The following CYP39A1 variants were observed in gnomAD, a reference collection of about 807,000 sequenced individuals.
CYP39A1 encodes 24-hydroxycholesterol 7-alpha-hydroxylase.
A neutral mutation model predicts 58.1 loss-of-function variants in CYP39A1; 49 were observed. The ratio of observed to expected loss-of-function variants is 0.84; its 90% confidence interval spans 0.67 to 1.07. CYP39A1 has a LOEUF of 1.07. CYP39A1 is among the 50% of genes least tolerant of loss of function. The probability of loss-of-function intolerance (pLI) is 0.00; values close to 1 mark genes in which losing one functional copy is unlikely to be tolerated. For synonymous variants in CYP39A1, 209 were observed against 187.6 expected (o/e 1.11, Z -0.93); for missense variants, 531 against 539.4 (o/e 0.98, Z 0.16).
chr6:46,650,318 C>A (rs955201826), intron 1 of CYP39A1, among the ~76,000 whole-genome samples: 2 of 151,138 alleles, frequency 1.3e-5, no homozygotes, highest in African/African-American at 4.9e-5. Context: ...GTGAGCCTTC[C>A]TGCATGAAGG....
intron 10 of CYP39A1, among the ~76,000 whole-genome samples, chr6:46,571,205 G>A (rs1771569555): frequency 6.6e-6 from 1 of 152,022 alleles, no homozygotes; most frequent in African/African-American, 2.4e-5. Context: ...TGCTGCTGTT[G>A]GATGAAATGT....
intron 5 of CYP39A1, among the ~76,000 whole-genome samples, chr6:46,634,714 G>A (rs902077917): frequency 1.9e-4 from 28 of 151,334 alleles, no homozygotes; most frequent in African/African-American, 6.3e-4. Flanking sequence ...TAGAGATGAG[G>A]TTTCACCATG....
Position 46,652,387 on chromosome 6 carries a change from G to A in CYP39A1, c.177+19C>T. ...AAGCATTGTCTCCTCTGGAGACCCCGTCTGCCACGACCACATACCTTGATT... is the reference window on the plus strand; with the variant it reads ...AAGCATTGTCTCCTCTGGAGACCCCATCTGCCACGACCACATACCTTGATT... On this transcript the variant is annotated intron_variant, in intron 1 of 11. Transcript: ENST00000275016. The A allele has an allele frequency of 6.3e-7, 1 of 1,598,092 alleles. No homozygotes were observed. The highest frequency in any genetic ancestry group is 8.5e-7 in the Non-Finnish European group (1 of 1,173,850).
intron 11 of CYP39A1, among the ~76,000 whole-genome samples, chr6:46,551,160 T>G (rs1227536267): frequency 6.6e-6 from 1 of 152,090 alleles, no homozygotes; most frequent in Admixed American, 6.6e-5. Flanking sequence ...AATCAGTCTA[T>G]TTTCAAGTTT....
Position 46,652,470 on chromosome 6 carries a change from C to G in CYP39A1, c.113G>C (p.Trp38Ser). The G allele has an allele frequency of 1.2e-6, 2 of 1,613,872 alleles. No homozygotes were observed. Among genetic ancestry groups the G allele is most frequent in the Non-Finnish European group, 1.7e-6 (2 of 1,179,950 alleles). ...RPPCIKGWIP[W>S]IGVGFEFGKA... ...CCCAAACTCAAATCCAACTCCAATC[C>G]AAGGAATCCAGCCCTTGATGCACGG... The change falls in exon 1 of 12, where the codon TGG becomes TCG. Residue 38 changes from tryptophan (W) to serine (S), a missense_variant. Transcript: ENST00000275016.
chr6:46,585,479 T>G (rs148172107), intron 10 of CYP39A1, among the ~76,000 whole-genome samples: 116 of 152,174 alleles, frequency 7.6e-4, no homozygotes, highest in African/African-American at 2.7e-3. Flanking sequence ...AACAAAAAAT[T>G]TGTTATTGGC....
chr6:46,579,215 A>T (rs1488506674), intron 10 of CYP39A1, among the ~76,000 whole-genome samples: 2 of 152,094 alleles, frequency 1.3e-5, no homozygotes, highest in Non-Finnish European at 2.9e-5. Context: ...TAAACAAATC[A>T]ATCAATGTGA....
rs151173457 is a variant in CYP39A1 at position 46,588,725 on chromosome 6, G to A, written c.1066-596C>T. On this transcript the variant is annotated intron_variant, in intron 8 of 11. Transcript: ENST00000275016. ...ATTAGGAAAGAAACAAATGAAAAAC[G>A]ACTGGTTAGGAAGACACAGGAAAAG... 2.1e-3 allele frequency among the ~76,000 whole-genome samples: 327 copies of A among 152,240 alleles called. 1 individual carries two copies. The highest frequency in any genetic ancestry group is 6.9e-3 in the African/African-American group (286 of 41,560).
intron 10 of CYP39A1, among the ~76,000 whole-genome samples, chr6:46,557,266 A>C (rs1189550083): frequency 7.2e-5 from 11 of 152,052 alleles, no homozygotes; most frequent in Non-Finnish European, 1.6e-4. Flanking sequence ...AAATATTTTG[A>C]GAAGTAATAG....
At chr6:46,646,322 A>G (rs78053780) in intron 1 of CYP39A1, among the ~76,000 whole-genome samples, 1 of 152,024 alleles carries the variant, frequency 6.6e-6, no homozygotes, top group African/African-American at 2.4e-5. Context: ...TCATGAATGG[A>G]TATCAGGAAT....
At chr6:46,586,390 T>G (rs1299693329) in intron 10 of CYP39A1, 9 of 983,254 alleles carry the variant, frequency 9.2e-6, no homozygotes, top group African/African-American at 1.7e-5. Flanking sequence ...ATATTTAATG[T>G]AGATTGTAAA....
At chr6:46,598,738 C>T (rs1773318780) in intron 7 of CYP39A1, among the ~76,000 whole-genome samples, 1 of 151,968 alleles carries the variant, frequency 6.6e-6, no homozygotes, top group Non-Finnish European at 1.5e-5. Flanking sequence ...GAGATCTTTA[C>T]CATCAAAAAG....
intron 11 of CYP39A1, among the ~76,000 whole-genome samples, chr6:46,550,948 C>A (rs185349756): frequency 3.7e-4 from 56 of 152,200 alleles, no homozygotes; most frequent in African/African-American, 1.3e-3. Flanking sequence ...ACTTTGTAGG[C>A]TCCAAATATT....
At chr6:46,643,988 T>C (rs1451953438) in intron 1 of CYP39A1, among the ~76,000 whole-genome samples, 2 of 152,238 alleles carry the variant, frequency 1.3e-5, no homozygotes, top group East Asian at 1.9e-4. Context: ...TATCCATTAC[T>C]GTTTTCCCAG....
intron 11 of CYP39A1, among the ~76,000 whole-genome samples, chr6:46,552,564 G>T (rs1228560871): frequency 6.6e-6 from 1 of 152,094 alleles, no homozygotes; most frequent in African/African-American, 2.4e-5. Flanking sequence ...ATTATATCAA[G>T]AGTAAATCAA....
chr6:46,572,104 T>C (rs1374122706), intron 10 of CYP39A1, among the ~76,000 whole-genome samples: 1 of 152,150 alleles, frequency 6.6e-6, no homozygotes, highest in Admixed American at 6.5e-5. Context: ...AATTTACTGC[T>C]TTTTATATTA....
chr6:46,642,372 C>T, intron 1 of CYP39A1, 74 bp from the exon 2 acceptor site: 2 of 1,408,638 alleles, frequency 1.4e-6, no homozygotes, highest in Non-Finnish European at 1.9e-6. Context: ...CCTCAAGAAT[C>T]CTAATGCTGA....
At chr6:46,552,997 G>A (rs1201973917) in intron 11 of CYP39A1, among the ~76,000 whole-genome samples, 3 of 147,484 alleles carry the variant, frequency 2.0e-5, no homozygotes, top group African/African-American at 7.5e-5. Flanking sequence ...GCAGTGAGCT[G>A]AGATTGTGCC....
chr6:46,553,939 T>C (rs1770541703), intron 10 of CYP39A1, 85 bp from the exon 11 acceptor site: 2 of 864,670 alleles, frequency 2.3e-6, no homozygotes, highest in East Asian at 5.2e-5. Flanking sequence ...AGCATACATA[T>C]TTCAGAGTAA....
Sources: gnomAD v4.1 joint callset for allele counts (sites outside exome capture counted in the v4.1 genomes callset) on GRCh38, gnomAD v4.1.1 for gene constraint, MANE v1.5 for transcripts, NCBI Gene and HGNC (gene_info 2026-07-23, HGNC 2026-07-21) for gene names.